Variants in POLR3A observed in about 807,000 individuals in gnomAD.
POLR3A encodes the protein RNA polymerase III subunit A, also known as DNA-directed RNA polymerase III subunit RPC1.
A neutral mutation model predicts 152.8 loss-of-function variants in POLR3A; 112 were observed. The observed-to-expected ratio is 0.73, with a 90% CI of 0.63 to 0.86. The LOEUF (loss-of-function observed/expected upper bound fraction) is 0.86, where lower values mean the gene tolerates loss of function less well. Ranked by LOEUF, POLR3A falls within the 40% of genes least tolerant of loss-of-function variation. The pLI is 0.00. For synonymous variants in POLR3A, 615 were observed against 652.1 expected, an observed-to-expected ratio of 0.94 and a Z score of 0.87; for missense variants, 1,385 against 1,743.1, an observed-to-expected ratio of 0.79 and a Z score of 3.66.
In POLR3A at chr10:77,984,004, C is replaced by T. The variant is rs2131929424; in HGVS notation, c.3345G>A (p.Glu1115=). The T allele has an allele frequency of 1.9e-6, 3 of 1,605,588 alleles. No homozygotes were observed. ...CAGGAAGAAACACTTCTTCAATATA[C>T]TCGGAAATCTGGAGTGTCAAAAGAT... is the stretch of plus-strand genomic sequence containing the variant. ...IEKTLLGEIS[E]YIEEVFLPDD... Residue 1115 remains glutamate, a synonymous_variant, in exon 26 of 31, where the codon GAG becomes GAA. Transcript: ENST00000372371.
At chr10:78,025,175 T>C (rs1469128742) in intron 3 of POLR3A, 33 bp from the exon 4 acceptor site, 2 of 1,610,594 alleles carry the variant, frequency 1.2e-6, no homozygotes, top group South Asian at 1.1e-5. Flanking sequence ...GATAAAAGCA[T>C]AAGTGAGAAT....
chr10:77,986,084 C>A lies in POLR3A; in HGVS notation c.2977G>T (p.Gly993Cys). The A allele has an allele frequency of 6.3e-7, 1 of 1,596,162 alleles. No individual in the cohort carries two copies. The highest frequency in any genetic ancestry group is 8.6e-7 in the Non-Finnish European group (1 of 1,163,754). ...TGGAGGGATATTACCTCTGTTGTGC[C>A]GTTATCATTGATGCCATATTTATCT... ...TRDKYGINDN[G>C]TTEPRVLYQL... The change falls in exon 22 of 31, where the codon GGC (glycine) becomes TGC (cysteine). Residue 993 changes from glycine (G) to cysteine (C), a missense_variant. Coordinates refer to ENST00000372371, the MANE Select transcript of POLR3A (RefSeq NM_007055.4).
chr10:78,016,925 G>A (rs1044050042), intron 10 of POLR3A, among the ~76,000 whole-genome samples: 2 of 150,556 alleles, frequency 1.3e-5, no homozygotes, highest in Non-Finnish European at 3.0e-5. Flanking sequence ...ATGTAAGTTT[G>A]TGCACACAAC....
At position 78,004,871 on chromosome 10, in the gene POLR3A, T is replaced by C. The variant is rs775716660; in HGVS notation, c.2092A>G (p.Ile698Val). Residue 698 changes from isoleucine (I) to valine (V), a missense_variant, in exon 16 of 31, where the codon ATT becomes GTT. Physicochemically the swap from Ile to Val is conservative, Grantham distance 29. This residue lies in a region of POLR3A where 170 missense variants were observed against 231.2 expected (regional missense o/e 0.74). Coordinates refer to ENST00000372371, the MANE Select transcript of POLR3A (RefSeq NM_007055.4). ...CCAGGTGTGACATCACCGATCCCAA[T>C]TGAGAAACCACGGTTAGCTGTTGAG... is the stretch of plus-strand genomic sequence containing the variant. ...PVYLSNRGFS[I>V]GIGDVTPGQG... 2.2e-5 allele frequency: 36 copies of C among 1,613,958 alleles called. No individual in the cohort carries two copies. The highest frequency in any genetic ancestry group is 1.1e-4 in the East Asian group (5 of 44,888).
In POLR3A at chr10:77,993,367, G is replaced by A. The variant is rs148932047; in HGVS notation, c.2617C>T (p.Arg873Ter). 62 of 1,612,742 alleles carry A rather than the reference G, an allele frequency of 3.8e-5. No homozygotes were observed. Among genetic ancestry groups the A allele is most frequent in the African/African-American group, 6.7e-5 (5 of 74,880 alleles). The change falls in exon 20 of 31, where the codon CGA becomes TGA. Residue 873 changes from arginine (R) to a stop codon, truncating the protein, a stop_gained and splice_region_variant. Transcript: ENST00000372371. LOFTEE classifies it high-confidence loss of function. ...VKTAETGYMQRRLVKSLEDLC... is the reference protein window; with the variant it reads ...VKTAETGYMQ ...TCTTCAAGAGATTTGACAAGCCTTC[G>A]CTAAAGGAAAAGGAGGAAAAAGCTC...
chr10:77,982,387 C>A, intron 27 of POLR3A, 69 bp from the exon 28 acceptor site: 2 of 1,441,250 alleles, frequency 1.4e-6, no homozygotes, highest in Non-Finnish European at 2.0e-6. Context: ...ACCTTGATCA[C>A]CCCAGCTTTC....
intron 5 of POLR3A, 151 bp from the exon 6 acceptor site, chr10:78,022,535 G>A (rs925542894): frequency 9.8e-6 from 8 of 820,208 alleles, no homozygotes; most frequent in Non-Finnish European, 1.5e-5. Flanking sequence ...TGCTGCAAGA[G>A]CCTTAAAATT....
chr10:78,025,202 T>C, intron 3 of POLR3A, 60 bp from the exon 4 acceptor site: 2 of 1,585,376 alleles, frequency 1.3e-6, no homozygotes, highest in Non-Finnish European at 1.7e-6. Flanking sequence ...TTATTTTCTT[T>C]TAAAAATGCC....
rs577866402 is a variant in POLR3A at position 77,990,741 on chromosome 10, C to T, written c.2901+313G>A. On this transcript the variant is annotated intron_variant, in intron 21 of 30. Coordinates refer to ENST00000372371, the MANE Select transcript of POLR3A (RefSeq NM_007055.4). ...AAGCGATTCTCCTGCCTCAGCCTCC[C>T]GAGCTGGGATTACAGGTGCCCGCCA... Among the ~76,000 whole-genome samples the T allele has an allele frequency of 1.4e-4, 21 of 151,864 alleles. No homozygotes were observed. The South Asian group carries it at 3.5e-3, about 26-fold the overall frequency.
chr10:77,977,787 G>T (rs1168855380), intron 30 of POLR3A, among the ~76,000 whole-genome samples, 161 bp from the exon 31 acceptor site: 2 of 152,168 alleles, frequency 1.3e-5, no homozygotes, highest in Non-Finnish European at 2.9e-5. Context: ...CATCTAAAAA[G>T]GGTGGCTGTG....
chr10:77,977,515 A>C lies in POLR3A; in HGVS notation c.4136T>G (p.Phe1379Cys). 1 of 1,614,144 alleles carries C rather than the reference A, an allele frequency of 6.2e-7. No homozygotes were observed. The highest frequency in any genetic ancestry group is 8.5e-7 in the Non-Finnish European group (1 of 1,180,028). The change falls in exon 31 of 31, where the codon TTC becomes TGC. Residue 1379 changes from phenylalanine to cysteine, a missense_variant. Transcript: ENST00000372371. The part of the protein sequence containing the change: ...DPNPPKRPLI[F>C]DTNEFHIPLV... ...GGGGATGTGGAATTCATTTGTGTCG[A>C]AGATCAGGGGCCTCTTGGGAGGGTT...
rs1847614336 is a variant in POLR3A, at chr10:78,024,639, C to T, written c.555G>A (p.Val185=). 1.2e-6 allele frequency: 2 copies of T among 1,613,822 alleles called. No individual in the cohort carries two copies. The highest frequency in any genetic ancestry group is 8.5e-7 in the Non-Finnish European group (1 of 1,179,720). Residue 185 remains valine (V), a synonymous_variant, in exon 5 of 31, where the codon GTG becomes GTA. Transcript: ENST00000372371. ...GGAAATTTGATACAATGGGATCCACCACTTTTTTGTTGGTCTTGTATTTCT... is the reference window on the plus strand; with the variant it reads ...GGAAATTTGATACAATGGGATCCACTACTTTTTTGTTGGTCTTGTATTTCT... The part of the protein sequence containing the change: ...IHEKYKTNKK[V]VDPIVSNFLQ...
Position 78,029,453 on chromosome 10 carries a change from T to C in POLR3A, c.-46A>G, listed in dbSNP as rs1262950278. 6.2e-7 allele frequency: 1 copy of C among 1,607,114 alleles called. No homozygotes were observed. Among genetic ancestry groups the C allele is most frequent in the Non-Finnish European group, 8.5e-7 (1 of 1,174,340 alleles). ...CTCCTTGGCACTCGGGAGGCCAGAT[T>C]AGAGAAACGATGCCCCCAGCACCTC... On this transcript the variant is annotated 5_prime_UTR_variant, in exon 1 of 31. Transcript: ENST00000372371.
chr10:78,002,450 G>C, intron 16 of POLR3A, 142 bp from the exon 17 acceptor site: 1 of 709,738 alleles, frequency 1.4e-6, no homozygotes, highest in Non-Finnish European at 2.6e-6. Context: ...CAGAACCTTA[G>C]AGGAGCAAAA....
chr10:78,011,105 C>T (rs1847462796), intron 11 of POLR3A, among the ~76,000 whole-genome samples: 1 of 152,166 alleles, frequency 6.6e-6, no homozygotes, highest in African/African-American at 2.4e-5. Context: ...ACCTTGGCCT[C>T]CCAAAGTGCT....
chr10:78,029,216 G>T, intron 1 of POLR3A, 148 bp downstream of exon 1: 2 of 804,242 alleles, frequency 2.5e-6, no homozygotes, highest in Non-Finnish European at 4.3e-6. Flanking sequence ...GACCAACGCT[G>T]GTAGTTCTGG....
chr10:77,986,982 T>C (rs1847204423), intron 21 of POLR3A, among the ~76,000 whole-genome samples: 2 of 152,288 alleles, frequency 1.3e-5, no homozygotes, highest in Admixed American at 1.3e-4. Flanking sequence ...TAAAACTATC[T>C]GTTTTAGGAT....
chr10:77,993,851 G>A (rs1847272476), intron 19 of POLR3A, among the ~76,000 whole-genome samples: 1 of 152,146 alleles, frequency 6.6e-6, no homozygotes, highest in African/African-American at 2.4e-5. Context: ...GTCTGAACCA[G>A]CAGGCAGCAA....
Position 77,988,172 on chromosome 10 carries a change from C to T in POLR3A, c.2902-2013G>A, listed in dbSNP as rs1031942200. On this transcript the variant is annotated intron_variant, in intron 21 of 30. Transcript: ENST00000372371. ...CCCACTGAGAAAGTGCAGAGGCCCA[C>T]GGAGGGTGACCCTGCAGCCCAATCA... 4.6e-5 allele frequency among the ~76,000 whole-genome samples: 7 copies of T among 152,244 alleles called. 1 individual carries two copies. Among genetic ancestry groups the T allele is most frequent in the Admixed American group, 2.6e-4 (4 of 15,302 alleles).
Sources: allele counts gnomAD v4.1 joint callset (sites outside exome capture counted in the v4.1 genomes callset), GRCh38; gene constraint gnomAD v4.1.1; regional missense constraint gnomAD v4.1.1; transcripts MANE v1.5; gene names NCBI Gene and HGNC (gene_info 2026-07-23, HGNC 2026-07-21).